Variants in CBFB observed in about 807,000 individuals in gnomAD.
CBFB encodes the protein CBF-beta.
Under a neutral mutation model 30.4 loss-of-function variants are expected in CBFB, and 9 were observed. That is an observed-to-expected ratio of 0.30 (90% CI 0.18 to 0.52). The LOEUF (loss-of-function observed/expected upper bound fraction) is 0.52, where lower values mean the gene tolerates loss of function less well. CBFB is among the 20% of genes least tolerant of loss of function. The pLI is 0.97. For synonymous variants in CBFB, 94 were observed against 84.0 expected, an observed-to-expected ratio of 1.12 and a Z score of -0.65; for missense variants, 170 against 244.0, an observed-to-expected ratio of 0.70 and a Z score of 2.02.
chr16:67,051,478 A>C (rs1429631408), intron 3 of CBFB, among the ~76,000 whole-genome samples: 1 of 151,338 alleles, frequency 6.6e-6, no homozygotes, highest in Non-Finnish European at 1.5e-5. Flanking sequence ...ATATATTGCT[A>C]TATATATATA....
Position 67,101,041 on chromosome 16 carries a change from ACTT to A in CBFB, c.*2266_*2268del, listed in dbSNP as rs1414979181. 1 of 180,152 alleles carries A rather than the reference ACTT, an allele frequency of 5.6e-6. No individual in the cohort carries two copies. Among genetic ancestry groups the A allele is most frequent in the East Asian group, 9.2e-5 (1 of 10,904 alleles). 11.2% of individuals were successfully genotyped at this position (180,152 alleles called of 1,614,324 possible). ...TTTGTTTAATTTACTTTCACAATAA[ACTT>A]CTGTGTAGTAAAAACAGGGTCTTGG... On this transcript the variant is annotated 3_prime_UTR_variant, in exon 6 of 6. Coordinates refer to ENST00000412916, the MANE Select transcript of CBFB (RefSeq NM_022845.3).
intron 3 of CBFB, among the ~76,000 whole-genome samples, chr16:67,038,033 C>T (rs563639241): frequency 6.6e-6 from 1 of 152,014 alleles, no homozygotes; most frequent in South Asian, 2.1e-4. Flanking sequence ...AAGGAGTTGA[C>T]TTCTAGAATA....
At chr16:67,053,688 T>C (rs1324566611) in intron 3 of CBFB, among the ~76,000 whole-genome samples, 2 of 151,858 alleles carry the variant, frequency 1.3e-5, no homozygotes, top group Non-Finnish European at 2.9e-5. Flanking sequence ...ATGAGTGGAT[T>C]ATGGGAAACC....
intron 5 of CBFB, among the ~76,000 whole-genome samples, chr16:67,085,238 C>T (rs1056369795): frequency 3.3e-5 from 5 of 149,508 alleles, no homozygotes; most frequent in South Asian, 4.3e-4. Context: ...GGCACAATGT[C>T]GGCTCACCGC....
chr16:67,064,202 G>GTT (rs2145747500), intron 3 of CBFB, among the ~76,000 whole-genome samples: 1 of 152,160 alleles, frequency 6.6e-6, no homozygotes, highest in East Asian at 1.9e-4. Flanking sequence ...AAAATTATGT[G>GTT]TTTTGTTTGT....
chr16:67,059,524 G>A (rs1386270618), intron 3 of CBFB, among the ~76,000 whole-genome samples: 2 of 152,292 alleles, frequency 1.3e-5, no homozygotes, highest in East Asian at 1.9e-4. Flanking sequence ...GCGCAGCGAC[G>A]TTTCTGGCCT....
intron 5 of CBFB, among the ~76,000 whole-genome samples, chr16:67,084,034 G>A (rs1237773216): frequency 1.3e-5 from 2 of 151,720 alleles, no homozygotes; most frequent in Non-Finnish European, 2.9e-5. Flanking sequence ...CAGCATGGTG[G>A]CACATGCCTG....
At chr16:67,084,328 GCA>G (rs1264633594) in intron 5 of CBFB, among the ~76,000 whole-genome samples, 1 of 151,846 alleles carries the variant, frequency 6.6e-6, no homozygotes, top group Admixed American at 6.6e-5. Flanking sequence ...AATAGAAAAA[GCA>G]CACATTCATC....
chr16:67,048,945 G>C (rs1396597427), intron 3 of CBFB, among the ~76,000 whole-genome samples: 1 of 147,712 alleles, frequency 6.8e-6, no homozygotes, highest in East Asian at 2.1e-4. Context: ...TCAGCCTCCC[G>C]AGTAGCTGGG....
intron 4 of CBFB, among the ~76,000 whole-genome samples, chr16:67,076,919 A>G (rs543962837): frequency 2.0e-5 from 3 of 151,172 alleles, no homozygotes; most frequent in African/African-American, 7.3e-5. Flanking sequence ...TTTTTTTTTC[A>G]TTGTCAGCTT....
rs1361849698 is a variant in CBFB at position 67,100,598 on chromosome 16, T to TC, written c.*1820_*1821insC. The TC allele has an allele frequency of 4.4e-6, 1 of 225,548 alleles. No individual in the cohort carries two copies. The highest frequency in any genetic ancestry group is 2.2e-5 in the African/African-American group (1 of 44,958). The allele number at this position is 225,548 out of a possible 1,614,324, so 14.0% of individuals were successfully genotyped here. ...CCTTACAGTGGTGTTTTATGTTACT[T>TC]TATTACAGAGCTCCTTGGTTTTTTA... On this transcript the variant is annotated 3_prime_UTR_variant, in exon 6 of 6. Coordinates refer to ENST00000412916, the MANE Select transcript of CBFB (RefSeq NM_022845.3).
rs1962178744 is a variant in CBFB, at chr16:67,100,200, C to T, written c.*1422C>T. 4.7e-6 allele frequency: 1 copy of T among 212,432 alleles called. No individual in the cohort carries two copies. Among genetic ancestry groups the T allele is most frequent in the Non-Finnish European group, 9.5e-6 (1 of 104,874 alleles). 13.2% of individuals were successfully genotyped at this position (212,432 alleles called of 1,614,324 possible). The stretch of plus-strand genomic sequence containing the variant: ...AAAAATGTATTTTATCATTAAATGG[C>T]ATTATTTTAAAGGGTGAAAAACTGA... On this transcript the variant is annotated 3_prime_UTR_variant, in exon 6 of 6. Coordinates refer to ENST00000412916, the MANE Select transcript of CBFB (RefSeq NM_022845.3).
intron 5 of CBFB, among the ~76,000 whole-genome samples, chr16:67,084,626 G>A (rs940696447): frequency 2.8e-4 from 43 of 152,116 alleles, no homozygotes; most frequent in African/African-American, 9.9e-4. Context: ...GGCTAAGATG[G>A]TAAGTTTTAT....
chr16:67,075,206 T>TAC lies in CBFB; in HGVS notation c.400-7007_400-7006insAC, dbSNP rs1255849428. 3.4e-4 allele frequency among the ~76,000 whole-genome samples: 46 copies of TAC among 134,844 alleles called. 1 individual carries two copies. The highest frequency in any genetic ancestry group is 1.4e-3 in the African/African-American group (37 of 26,918). 88.5% of individuals were successfully genotyped at this position (134,844 alleles called of 152,430 possible). A position where few individuals can be genotyped will look rare whatever the true frequency, so the allele number is the denominator to read the frequency against. On this transcript the variant is annotated intron_variant, in intron 4 of 5. Coordinates refer to ENST00000412916, the MANE Select transcript of CBFB (RefSeq NM_022845.3). ...TTCTATCTCAAAAAAAATGTGTGTG[T>TAC]GTGTGTGTGTGTGTGTGTGTGTGTG...
intron 5 of CBFB, among the ~76,000 whole-genome samples, chr16:67,084,222 CTAA>C (rs1567622874): frequency 8.8e-6 from 1 of 113,508 alleles, no homozygotes; most frequent in South Asian, 3.0e-4. Flanking sequence ...AAGATAAGAA[CTAA>C]TGTGTTTGAA....
chr16:67,041,790 T>A (rs560596107), intron 3 of CBFB, among the ~76,000 whole-genome samples: 1 of 148,546 alleles, frequency 6.7e-6, no homozygotes, highest in Non-Finnish European at 1.5e-5. Flanking sequence ...TTTTTTTTTT[T>A]AAGAGAGAGG....
chr16:67,061,640 C>G lies in CBFB; in HGVS notation c.283-5042C>G, dbSNP rs375522133. Among the ~76,000 whole-genome samples, 5 of 152,298 alleles carry G rather than the reference C, an allele frequency of 3.3e-5. No individual in the cohort carries two copies. In the East Asian group the frequency reaches 5.8e-4, roughly 18 times the overall value. ...TTACTTTGAAGATGTACACATAAAA[C>G]TGTATTTATTTGAATGAGAACATCT... On this transcript the variant is annotated intron_variant, in intron 3 of 5. Transcript: ENST00000412916.
chr16:67,063,032 G>A (rs773003104), intron 3 of CBFB, among the ~76,000 whole-genome samples: 8 of 152,196 alleles, frequency 5.3e-5, no homozygotes, highest in Middle Eastern at 6.8e-3. Context: ...CAGGGTTTAA[G>A]ATTAATGAAG....
At chr16:67,088,780 G>A (rs938938991) in intron 5 of CBFB, among the ~76,000 whole-genome samples, 3 of 152,180 alleles carry the variant, frequency 2.0e-5, no homozygotes, top group African/African-American at 7.2e-5. Context: ...GAGGTTTAGG[G>A]ATGTCCTCCA....
Sources: gnomAD v4.1 joint callset for allele counts (sites outside exome capture counted in the v4.1 genomes callset) on GRCh38, gnomAD v4.1.1 for gene constraint, MANE v1.5 for transcripts, NCBI Gene and HGNC (gene_info 2026-07-23, HGNC 2026-07-21) for gene names.